The following CPSF4L variants were observed in gnomAD, a reference collection of about 807,000 sequenced individuals.
CPSF4L encodes cleavage and polyadenylation specific factor 4 like.
CPSF4L carries 18 observed loss-of-function variants against 24.0 expected under a neutral mutation model. The ratio of observed to expected loss-of-function variants is 0.75; its 90% confidence interval spans 0.52 to 1.11. The LOEUF (loss-of-function observed/expected upper bound fraction) is 1.11, where lower values mean the gene tolerates loss of function less well. Among genes scored for constraint, CPSF4L ranks in the 50% least tolerant of loss-of-function variants. The pLI is 0.00. For synonymous variants in CPSF4L, 72 were observed against 77.2 expected (o/e 0.93, Z 0.35); for missense variants, 211 against 221.8 (o/e 0.95, Z 0.31).
At chr17:73,242,931 G>A in the CPSF4L span, 1 of 1,613,944 alleles carries the variant, frequency 6.2e-7, no homozygotes, top group South Asian at 1.1e-5. Context: ...AAGGAAGAGT[G>A]GATTCGGTGG....
chr17:73,261,614 T>C, intron 1 of CPSF4L, 102 bp downstream of exon 1: 1 of 799,700 alleles, frequency 1.3e-6, no homozygotes, highest in East Asian at 2.7e-5. Context: ...TGAGCCGAGA[T>C]TGTGCCACTA....
At chr17:73,245,247 G>T, downstream of CPSF4L, 2 of 1,607,142 alleles carry the variant, frequency 1.2e-6, no homozygotes, top group South Asian at 2.2e-5. Context: ...CAGTGGAGAC[G>T]ACTGCAATAC....
In CPSF4L at chr17:73,260,997, A is replaced by G. The variant is rs2062042856; in HGVS notation, c.104-14T>C. 6.5e-7 allele frequency: 1 copy of G among 1,548,978 alleles called. No homozygotes were observed. The highest frequency in any genetic ancestry group is 2.0e-5 in the Admixed American group (1 of 50,892). ...CTGAGGCCGACTCTGGAAGGAGAAGAGGGAACGGAGAAGGTAGCTTCCCCA... is the reference window on the plus strand; with the variant it reads ...CTGAGGCCGACTCTGGAAGGAGAAGGGGGAACGGAGAAGGTAGCTTCCCCA... On this transcript the variant is annotated splice_polypyrimidine_tract_variant and intron_variant, in intron 1 of 5. Coordinates refer to ENST00000344935, the MANE Select transcript of CPSF4L (RefSeq NM_001129885.1).
In CPSF4L at chr17:73,250,343, T is replaced by G. The variant is rs1210745521; in HGVS notation, c.498-1807A>C. On this transcript the variant is annotated intron_variant, in intron 5 of 5. Coordinates refer to ENST00000344935, the MANE Select transcript of CPSF4L (RefSeq NM_001129885.1). ...AGTGAATGGCATGACTTTTTGTAAA[T>G]TCAGATTTCTAAAGATGTCTAGGGA... is the stretch of plus-strand genomic sequence containing the variant. 2.6e-6 allele frequency: 4 copies of G among 1,549,690 alleles called. No homozygotes were observed. In the East Asian group the frequency reaches 9.8e-5, roughly 38 times the overall value.
At chr17:73,254,654 A>G (rs2062017592) in intron 3 of CPSF4L, among the ~76,000 whole-genome samples, 1 of 152,090 alleles carries the variant, frequency 6.6e-6, no homozygotes, top group South Asian at 2.1e-4. Context: ...TATTATTATT[A>G]TTATTTTGAG....
chr17:73,245,121 T>C, downstream of CPSF4L: 1 of 1,582,540 alleles, frequency 6.3e-7, no homozygotes, highest in Non-Finnish European at 8.7e-7. Flanking sequence ...TAACAGTCAT[T>C]GGAAGTGGCC....
At chr17:73,257,468 G>A (rs1287866934) in intron 3 of CPSF4L, among the ~76,000 whole-genome samples, 2 of 151,184 alleles carry the variant, frequency 1.3e-5, no homozygotes, top group Non-Finnish European at 2.9e-5. Flanking sequence ...TATGCACCTT[G>A]ATCCAGGGGG....
At chr17:73,245,061 T>C, downstream of CPSF4L, 1 of 1,078,800 alleles carries the variant, frequency 9.3e-7, no homozygotes, top group Non-Finnish European at 1.4e-6. Flanking sequence ...AATACTCTAT[T>C]TCTAAACTTA....
downstream of CPSF4L, among the ~76,000 whole-genome samples, chr17:73,243,528 T>C (rs1388062947): frequency 4.0e-5 from 6 of 151,164 alleles, no homozygotes; most frequent in African/African-American, 1.5e-4. Context: ...TAATTGCCCT[T>C]GTCCTCCATT....
At chr17:73,261,327 G>A (rs1490986348) in intron 1 of CPSF4L, among the ~76,000 whole-genome samples, 2 of 152,268 alleles carry the variant, frequency 1.3e-5, no homozygotes, top group African/African-American at 2.4e-5. Flanking sequence ...GAGAAGGGGC[G>A]GTCGCATCAG....
rs147547511 is a variant in CPSF4L at position 73,252,157 on chromosome 17, C to G, written c.497+473G>C. On this transcript the variant is annotated intron_variant, in intron 5 of 5. Coordinates refer to ENST00000344935, the MANE Select transcript of CPSF4L (RefSeq NM_001129885.1). ...GCACGTGCCTGCCTGCACTCACCTTCATGTAACTCGGGTTGAGTAAAAGAT... is the reference window on the plus strand; with the variant it reads ...GCACGTGCCTGCCTGCACTCACCTTGATGTAACTCGGGTTGAGTAAAAGAT... 1.9e-3 allele frequency among the ~76,000 whole-genome samples: 292 copies of G among 152,324 alleles called. 1 individual carries two copies. The highest frequency in any genetic ancestry group is 8.7e-3 in the East Asian group (45 of 5,182).
In CPSF4L at chr17:73,249,394, G is replaced by A. The variant is rs116227509; in HGVS notation, c.498-858C>T. On this transcript the variant is annotated intron_variant, in intron 5 of 5. Coordinates refer to ENST00000344935, the MANE Select transcript of CPSF4L (RefSeq NM_001129885.1). ...CCTGCTCATTTTCCAAAAAGAAAACGGGCTTGAGGTAGAGTGATTTGCCTA... is the reference window on the plus strand; with the variant it reads ...CCTGCTCATTTTCCAAAAAGAAAACAGGCTTGAGGTAGAGTGATTTGCCTA... Among the ~76,000 whole-genome samples, 834 of 152,206 alleles carry A rather than the reference G, an allele frequency of 5.5e-3. 9 individuals carry two copies. The highest frequency in any genetic ancestry group is 0.019 in the African/African-American group (769 of 41,520).
downstream of CPSF4L, chr17:73,247,602 T>G (rs916347702): frequency 2.5e-6 from 1 of 400,002 alleles, no homozygotes; most frequent in Non-Finnish European, 4.6e-6. Flanking sequence ...AATAAGTTAT[T>G]TAATGAGAAT....
At chr17:73,255,116 T>C (rs2062019674) in intron 3 of CPSF4L, among the ~76,000 whole-genome samples, 1 of 152,170 alleles carries the variant, frequency 6.6e-6, no homozygotes, top group African/African-American at 2.4e-5. Context: ...TGAAGGAGCG[T>C]CGTAGCGTCT....
intron 5 of CPSF4L, chr17:73,251,185 G>A (rs572526884): frequency 1.1e-5 from 15 of 1,370,716 alleles, no homozygotes; most frequent in East Asian, 5.4e-5. Flanking sequence ...GGGCCGGGAC[G>A]CTGGCCATGC....
chr17:73,246,288 C>T (rs577216552), downstream of CPSF4L, among the ~76,000 whole-genome samples: 12 of 152,188 alleles, frequency 7.9e-5, no homozygotes, highest in East Asian at 2.3e-3. Context: ...AATCCCAGCA[C>T]TTTGGTAGGC....
intron 5 of CPSF4L, among the ~76,000 whole-genome samples, chr17:73,251,922 C>T (rs139834178): frequency 8.5e-4 from 130 of 152,344 alleles, no homozygotes; most frequent in African/African-American, 3.0e-3. Flanking sequence ...AAGCCTTGGA[C>T]TGGTCAACAG....
intron 5 of CPSF4L, 179 bp from the exon 6 acceptor site, chr17:73,248,715 G>A (rs1291580153): frequency 6.0e-6 from 4 of 662,336 alleles, no homozygotes; most frequent in Admixed American, 2.3e-5. Flanking sequence ...TGAATACCCC[G>A]GCTGTAACTC....
At chr17:73,242,453 A>G in the CPSF4L span, 721 of 718,756 alleles carry the variant, frequency 1.0e-3, 7 homozygotes, top group African/African-American at 0.012. Flanking sequence ...GAGGAAAAAA[A>G]TGTTAAAATG....
Sources: allele counts gnomAD v4.1 joint callset (sites outside exome capture counted in the v4.1 genomes callset), GRCh38; gene constraint gnomAD v4.1.1; transcripts MANE v1.5; gene names NCBI Gene and HGNC (gene_info 2026-07-23, HGNC 2026-07-21).